Variants in MLIP observed in about 807,000 individuals in gnomAD.
MLIP encodes muscular LMNA interacting protein.
MLIP carries 79 observed loss-of-function variants against 84.8 expected under a neutral mutation model. The ratio of observed to expected loss-of-function variants is 0.93; its 90% CI spans 0.78 to 1.12. The LOEUF (loss-of-function observed/expected upper bound fraction) is 1.12, where lower values mean the gene tolerates loss of function less well. Among genes scored for constraint, MLIP ranks in the 50% most tolerant of loss-of-function variants. The pLI, the probability that MLIP is intolerant of heterozygous loss-of-function variation, is 0.00. For missense variants in MLIP, 1,257 were observed against 1,160.6 expected (o/e 1.08, Z -1.21); for synonymous variants, 504 against 463.0 (o/e 1.09, Z -1.14).
At chr6:54,249,746 T>TATACACAC (rs71724053) in intron 12 of MLIP, among the ~76,000 whole-genome samples, 5 of 150,322 alleles carry the variant, frequency 3.3e-5, no homozygotes, top group African/African-American at 1.2e-4. Flanking sequence ...TATATATATA[T>TATACACAC]ACACACACAC....
At chr6:54,043,098 C>T (rs1007375093) in intron 1 of MLIP, among the ~76,000 whole-genome samples, 1 of 152,128 alleles carries the variant, frequency 6.6e-6, no homozygotes, top group African/African-American at 2.4e-5. Context: ...CACCTCATGA[C>T]ACTCCTACAA....
chr6:54,153,364 G>T (rs897488418), intron 5 of MLIP, among the ~76,000 whole-genome samples: 7 of 151,894 alleles, frequency 4.6e-5, no homozygotes, highest in Non-Finnish European at 7.4e-5. Context: ...ATGGAGTCTT[G>T]CTATGTTGCC....
chr6:54,190,010 T>C, intron 10 of MLIP, 96 bp downstream of exon 10: 1 of 818,706 alleles, frequency 1.2e-6, no homozygotes, highest in East Asian at 2.7e-5. Flanking sequence ...ATTTACTATA[T>C]ATATTTTTAT....
At chr6:54,227,605 AG>A (rs1468760753) in intron 11 of MLIP, among the ~76,000 whole-genome samples, 7 of 152,214 alleles carry the variant, frequency 4.6e-5, no homozygotes, top group Non-Finnish European at 7.3e-5. Context: ...GACAACAAAA[AG>A]GGTCATTTAC....
chr6:54,136,120 G>T (rs531428509), intron 3 of MLIP, among the ~76,000 whole-genome samples: 2 of 152,286 alleles, frequency 1.3e-5, no homozygotes, highest in South Asian at 4.1e-4. Flanking sequence ...AAAACTTCCT[G>T]TTTAATTTGG....
chr6:54,239,527 T>C (rs1029871213), intron 12 of MLIP, among the ~76,000 whole-genome samples: 1 of 151,334 alleles, frequency 6.6e-6, no homozygotes. Context: ...TCCTAGCACT[T>C]TGGGAGGCTG....
intron 1 of MLIP, among the ~76,000 whole-genome samples, chr6:54,093,222 G>C (rs1767975178): frequency 1.3e-5 from 2 of 152,074 alleles, no homozygotes; most frequent in Admixed American, 1.3e-4. Context: ...AGATCATCTG[G>C]TCCAGTGGCT....
intron 4 of MLIP, among the ~76,000 whole-genome samples, chr6:54,141,153 G>A (rs886577078): frequency 2.0e-5 from 3 of 152,066 alleles, no homozygotes; most frequent in African/African-American, 4.8e-5. Context: ...TGTGTTTGAT[G>A]TTCCTTTTTC....
chr6:54,225,781 A>G (rs1396653266), intron 11 of MLIP, among the ~76,000 whole-genome samples: 1 of 152,192 alleles, frequency 6.6e-6, no homozygotes, highest in Admixed American at 6.5e-5. Context: ...AGAACCCTTA[A>G]GGACTTTCAG....
chr6:54,134,852 C>A (rs1243695525), intron 3 of MLIP, among the ~76,000 whole-genome samples: 1 of 151,968 alleles, frequency 6.6e-6, no homozygotes, highest in Non-Finnish European at 1.5e-5. Flanking sequence ...TTACAGAATT[C>A]TTTACCAAAC....
intron 12 of MLIP, 126 bp from the exon 13 acceptor site, chr6:54,257,182 G>A: frequency 1.5e-6 from 1 of 671,870 alleles, no homozygotes; most frequent in Admixed American, 2.6e-5. Context: ...GTTTATACTT[G>A]GTAGAATCCA....
At chr6:54,074,765 T>C (rs1416411514) in intron 1 of MLIP, among the ~76,000 whole-genome samples, 1 of 152,090 alleles carries the variant, frequency 6.6e-6, no homozygotes, top group Non-Finnish European at 1.5e-5. Context: ...AAATATTCAG[T>C]TTTGCTGCCT....
chr6:54,117,969 G>A (rs9464024), intron 1 of MLIP, among the ~76,000 whole-genome samples: 136 of 149,624 alleles, frequency 9.1e-4, no homozygotes, highest in African/African-American at 2.8e-3. Context: ...AACAACAACA[G>A]CAACAACAAC....
At chr6:54,074,965 C>G (rs2150348715) in intron 1 of MLIP, among the ~76,000 whole-genome samples, 1 of 152,144 alleles carries the variant, frequency 6.6e-6, no homozygotes, top group East Asian at 1.9e-4. Context: ...AAAAAAATTC[C>G]TGGCCAGGCG....
intron 1 of MLIP, among the ~76,000 whole-genome samples, chr6:54,049,393 A>G (rs1345563348): frequency 3.9e-5 from 6 of 152,176 alleles, no homozygotes; most frequent in Non-Finnish European, 8.8e-5. Context: ...TCAGTGCTCT[A>G]GTGTCATGAG....
chr6:54,038,288 G>A (rs982574984), intron 1 of MLIP, among the ~76,000 whole-genome samples: 7 of 151,888 alleles, frequency 4.6e-5, no homozygotes, highest in African/African-American at 7.2e-5. Context: ...TTTTAAGACT[G>A]GGAAAGCAAA....
At chr6:54,099,579 G>A (rs535984892) in intron 1 of MLIP, 1 of 152,238 alleles carries the variant, frequency 6.6e-6, no homozygotes, top group East Asian at 1.9e-4. Context: ...TAGATTGCCA[G>A]CCTGCTCAGC....
intron 11 of MLIP, chr6:54,215,004 A>C: frequency 9.6e-4 from 495 of 516,746 alleles, no homozygotes; most frequent in East Asian, 1.5e-3. Context: ...AGGAGACGAT[A>C]TCCCTCCCTC....
At chr6:54,095,576 A>G (rs978090444) in intron 1 of MLIP, among the ~76,000 whole-genome samples, 4 of 151,888 alleles carry the variant, frequency 2.6e-5, no homozygotes, top group African/African-American at 9.7e-5. Context: ...TTGGGGATGG[A>G]TAGAGTGATT....
Sources: gnomAD v4.1 joint callset for allele counts (sites outside exome capture counted in the v4.1 genomes callset) on GRCh38, gnomAD v4.1.1 for gene constraint, MANE v1.5 for transcripts, NCBI Gene and HGNC (gene_info 2026-07-23, HGNC 2026-07-21) for gene names.